The following OLFML2B variants were observed in gnomAD, a reference collection of about 807,000 sequenced individuals.
OLFML2B encodes olfactomedin like 2B.
A neutral mutation model predicts 74.9 loss-of-function variants in OLFML2B; 57 were observed. That is an observed-to-expected ratio of 0.76 (90% CI 0.61 to 0.95). The LOEUF (loss-of-function observed/expected upper bound fraction) is 0.95, where lower values mean the gene tolerates loss of function less well. Ranked by LOEUF, OLFML2B falls within the 40% of genes least tolerant of loss-of-function variation. The pLI, the probability that OLFML2B is intolerant of heterozygous loss-of-function variation, is 0.00. For missense variants in OLFML2B, 986 were observed against 970.6 expected (o/e 1.02, Z -0.21); for synonymous variants, 388 against 405.8 (o/e 0.96, Z 0.53).
chr1:162,010,149 A>G (rs1449070093), intron 3 of OLFML2B, among the ~76,000 whole-genome samples: 1 of 152,256 alleles, frequency 6.6e-6, no homozygotes, highest in Non-Finnish European at 1.5e-5. Flanking sequence ...GCAGACAGAT[A>G]GAGGGCTCAG....
chr1:162,008,763 A>G (rs764638379), intron 3 of OLFML2B, among the ~76,000 whole-genome samples: 2 of 152,198 alleles, frequency 1.3e-5, no homozygotes, highest in African/African-American at 4.8e-5. Context: ...TGTACACATT[A>G]AAGTTTGAGA....
rs2101968569 is a variant in OLFML2B at position 162,006,434 on chromosome 1, T to C, written c.586A>G (p.Lys196Glu). 6.2e-7 allele frequency: 1 copy of C among 1,605,052 alleles called. No individual in the cohort carries two copies. The highest frequency in any genetic ancestry group is 1.7e-4 in the Middle Eastern group (1 of 6,012). ...GTTCGAATTTCTTCCATGTCCTCTT[T>C]GATTTGTTCATTTTCCTTGGTGAGG... is the stretch of plus-strand genomic sequence containing the variant. ...KNLTKENEQI[K>E]EDMEEIRTEM... Residue 196 changes from lysine (K) to glutamate (E), a missense_variant, in exon 4 of 8, where the codon AAA (lysine) becomes GAA (glutamate). Lys to Glu is a moderately conservative substitution (Grantham distance 56, BLOSUM62 1). Transcript: ENST00000294794.
chr1:161,998,463 C>T (rs370067659), intron 5 of OLFML2B, 114 bp from the exon 6 acceptor site: 3 of 1,186,968 alleles, frequency 2.5e-6, no homozygotes, highest in East Asian at 4.8e-5. Flanking sequence ...AACACGACGG[C>T]TTGAGTTACA....
chr1:161,996,173 C>T (rs1689892257), intron 6 of OLFML2B, among the ~76,000 whole-genome samples: 1 of 152,128 alleles, frequency 6.6e-6, no homozygotes, highest in Non-Finnish European at 1.5e-5. Flanking sequence ...GTCATTCTGC[C>T]ATTATTCTGA....
intron 3 of OLFML2B, among the ~76,000 whole-genome samples, chr1:162,012,307 C>G (rs181418801): frequency 1.3e-5 from 2 of 152,168 alleles, no homozygotes; most frequent in African/African-American, 2.4e-5. Flanking sequence ...CAAGTCTGCA[C>G]AGATGAAAAT....
rs921597045 is a variant in OLFML2B, at chr1:162,000,246, C to G, written c.816G>C (p.Val272=). 2 of 1,613,774 alleles carry G rather than the reference C, an allele frequency of 1.2e-6. No homozygotes were observed. The highest frequency in any genetic ancestry group is 2.7e-5 in the African/African-American group (2 of 74,944). Residue 272 remains valine (V), a synonymous_variant, in exon 5 of 8, where the codon GTG becomes GTC. Coordinates refer to ENST00000294794, the MANE Select transcript of OLFML2B (RefSeq NM_015441.3). ...TCTGCAGGGGCCGCTGTGACTTCAC[C>G]ACCTCAGGCAGAGCCAGGGGTCGCG... is the stretch of plus-strand genomic sequence containing the variant. ...LQTRPLALPE[V]VKSQRPLQRQ... is the part of the protein sequence containing the mutation.
rs760658902 is a variant in OLFML2B at position 162,006,450 on chromosome 1, C to G, written c.570G>C (p.Lys190Asn). The stretch of plus-strand genomic sequence containing the variant: ...TGTCCTCTTTGATTTGTTCATTTTC[C>G]TTGGTGAGGTTTTTAGACACTTCCT... ...LEEEVSKNLTKENEQIKEDME... is the reference protein window; with the variant it reads ...LEEEVSKNLTNENEQIKEDME... Residue 190 changes from lysine to asparagine, a missense_variant, in exon 4 of 8, where the codon AAG becomes AAC. Physicochemically the swap from Lys to Asn is moderately conservative, Grantham distance 94. Transcript: ENST00000294794. The G allele has an allele frequency of 3.1e-6, 5 of 1,588,734 alleles. No homozygotes were observed. The South Asian group carries it at 5.7e-5, about 18-fold the overall frequency.
At chr1:162,015,294 C>G (rs1025805473) in intron 3 of OLFML2B, among the ~76,000 whole-genome samples, 1 of 152,128 alleles carries the variant, frequency 6.6e-6, no homozygotes, top group African/African-American at 2.4e-5. Flanking sequence ...GCATCAAATT[C>G]ACCCATACTC....
intron 6 of OLFML2B, among the ~76,000 whole-genome samples, chr1:161,995,837 C>G (rs1428849475): frequency 6.6e-6 from 1 of 152,118 alleles, no homozygotes. Flanking sequence ...CCAAGGGTGA[C>G]AGGAAGCTGA....
intron 3 of OLFML2B, among the ~76,000 whole-genome samples, chr1:162,013,009 C>T (rs1203072895): frequency 6.6e-6 from 1 of 152,180 alleles, no homozygotes. Context: ...CAGAATCCAC[C>T]TTTAGGCCTG....
intron 6 of OLFML2B, among the ~76,000 whole-genome samples, chr1:161,987,514 A>G (rs948790808): frequency 1.3e-5 from 2 of 152,244 alleles, no homozygotes; most frequent in Non-Finnish European, 2.9e-5. Flanking sequence ...GCCACAAGCC[A>G]AAGAATGCTG....
At chr1:161,985,876 G>C (rs929985210) in intron 6 of OLFML2B, among the ~76,000 whole-genome samples, 5 of 152,220 alleles carry the variant, frequency 3.3e-5, no homozygotes, top group Non-Finnish European at 7.3e-5. Flanking sequence ...GTCCTTCTGA[G>C]TGGCTCTGGA....
chr1:161,999,814 T>G (rs1015665262), intron 5 of OLFML2B, among the ~76,000 whole-genome samples: 3 of 152,120 alleles, frequency 2.0e-5, no homozygotes, highest in African/African-American at 7.2e-5. Context: ...TCCCCAAACC[T>G]CAGTTTTCTC....
intron 6 of OLFML2B, 88 bp from the exon 7 acceptor site, chr1:161,985,068 G>T: frequency 7.3e-7 from 1 of 1,377,100 alleles, no homozygotes. Flanking sequence ...TTTAGAGTCT[G>T]GACTCCTCGG....
At position 162,017,498 on chromosome 1, in the gene OLFML2B, T is replaced by C. The variant is rs746231660; in HGVS notation, c.448A>G (p.Ile150Val). ...ADSQDLKLSTIIDMLEGAFYG... is the reference protein window; with the variant it reads ...ADSQDLKLSTVIDMLEGAFYG... Reference sequence around the variant, plus strand: ...AACGCTCCTTCCAACATGTCTATGATTGTGGAGAGCTATGAAACAAGGCAA... The same window carrying C: ...AACGCTCCTTCCAACATGTCTATGACTGTGGAGAGCTATGAAACAAGGCAA... Residue 150 changes from isoleucine to valine, a missense_variant, in exon 3 of 8, where the codon ATC becomes GTC. Ile to Val is a conservative substitution (Grantham distance 29). Coordinates refer to ENST00000294794, the MANE Select transcript of OLFML2B (RefSeq NM_015441.3). 1.9e-6 allele frequency: 3 copies of C among 1,610,902 alleles called. No individual in the cohort carries two copies. Among genetic ancestry groups the C allele is most frequent in the East Asian group, 4.5e-5 (2 of 44,670 alleles).
intron 3 of OLFML2B, among the ~76,000 whole-genome samples, chr1:162,013,199 G>C (rs1571307908): frequency 6.6e-6 from 1 of 152,192 alleles, no homozygotes; most frequent in African/African-American, 2.4e-5. Context: ...CTTATGTTCT[G>C]TGCCCACCCA....
chr1:162,019,624 T>C (rs1690640060), intron 2 of OLFML2B, among the ~76,000 whole-genome samples: 1 of 152,146 alleles, frequency 6.6e-6, no homozygotes, highest in Admixed American at 6.5e-5. Context: ...TGGCAGCAAT[T>C]TTCTTGAAGA....
intron 4 of OLFML2B, among the ~76,000 whole-genome samples, chr1:162,002,830 C>G (rs933906855): frequency 2.0e-5 from 3 of 152,218 alleles, no homozygotes; most frequent in African/African-American, 7.2e-5. Context: ...ATTCCCTGTT[C>G]TTGCTGGTGA....
intron 6 of OLFML2B, among the ~76,000 whole-genome samples, chr1:161,996,259 CAG>C (rs1230419481): frequency 6.6e-6 from 1 of 152,148 alleles, no homozygotes; most frequent in Non-Finnish European, 1.5e-5. Flanking sequence ...GAGAGAGAGA[CAG>C]AGAGAGAGGC....
Sources: gnomAD v4.1 joint callset for allele counts (sites outside exome capture counted in the v4.1 genomes callset) on GRCh38, gnomAD v4.1.1 for gene constraint, MANE v1.5 for transcripts, NCBI Gene and HGNC (gene_info 2026-07-23, HGNC 2026-07-21) for gene names.